Variants in CORO1C observed in about 807,000 individuals in gnomAD.
CORO1C encodes the protein coronin 1C, also known as coronin-1C.
Under a neutral mutation model 51.2 loss-of-function variants are expected in CORO1C, and 14 were observed. The observed-to-expected ratio is 0.27, with a 90% CI of 0.18 to 0.43. CORO1C has a LOEUF of 0.43. CORO1C is among the 20% of genes least tolerant of loss of function. The probability of loss-of-function intolerance (pLI) is 1.00; values close to 1 mark genes in which losing one functional copy is unlikely to be tolerated. For missense variants in CORO1C, 417 were observed against 607.8 expected (o/e 0.69, Z 3.30); for synonymous variants, 181 against 210.5 (o/e 0.86, Z 1.21).
Position 108,706,430 on chromosome 12 carries a change from G to A in CORO1C, c.-5-5107C>T, listed in dbSNP as rs190053875. ...GGATTGTAGTACAGGTTCTAGCCAA[G>A]GCAATTAGGCAAGAAAAAGGAGTAA... On this transcript the variant is annotated intron_variant, in intron 1 of 10. Transcript: ENST00000261401. 2.8e-3 allele frequency among the ~76,000 whole-genome samples: 419 copies of A among 152,126 alleles called. 1 individual carries two copies. The highest frequency in any genetic ancestry group is 4.4e-3 in the Non-Finnish European group (299 of 68,000).
At chr12:108,649,531 C>A (rs2032543862) in intron 8 of CORO1C, 1 of 161,566 alleles carries the variant, frequency 6.2e-6, no homozygotes, top group African/African-American at 2.4e-5. Context: ...CAAACCACAT[C>A]GTACATGACA....
chr12:108,645,230 T>TAAAAAAAAAA lies in CORO1C; in HGVS notation c.*2163_*2172dup, dbSNP rs35067523. The TAAAAAAAAAA allele has an allele frequency of 3.1e-5, 4 of 127,040 alleles. No homozygotes were observed. The allele number at this position is 127,040 out of a possible 1,614,324, so 7.9% of individuals were successfully genotyped here. On this transcript the variant is annotated 3_prime_UTR_variant, in exon 11 of 11. Coordinates refer to ENST00000261401, the MANE Select transcript of CORO1C (RefSeq NM_014325.4). ...TGTCCTCTTCTGGGATGTCATGGCT[T>TAAAAAAAAAA]AAAAAAAAAAAAAAAAAAAGACAAA... is the stretch of plus-strand genomic sequence containing the variant.
chr12:108,683,603 C>G (rs1449828133), intron 2 of CORO1C, among the ~76,000 whole-genome samples: 1 of 151,942 alleles, frequency 6.6e-6, no homozygotes, highest in Admixed American at 6.6e-5. Context: ...TAACATTTGA[C>G]AATATATATA....
At chr12:108,648,885 G>A (rs200401456) in intron 9 of CORO1C, 35 bp from the exon 10 acceptor site, 3 of 1,613,300 alleles carry the variant, frequency 1.9e-6, no homozygotes, top group Non-Finnish European at 2.5e-6. Context: ...GGGTAAGGAA[G>A]AAGAAAGGCC....
intron 2 of CORO1C, among the ~76,000 whole-genome samples, chr12:108,699,705 C>A (rs1252257870): frequency 6.6e-6 from 1 of 152,180 alleles, no homozygotes. Flanking sequence ...AGATGAAGAA[C>A]ACTTATAACA....
intron 3 of CORO1C, among the ~76,000 whole-genome samples, chr12:108,676,029 TGAA>T (rs916375772): frequency 6.6e-6 from 1 of 152,134 alleles, no homozygotes; most frequent in African/African-American, 2.4e-5. Flanking sequence ...AAGAAAATGA[TGAA>T]GGAGGAATCT....
intron 7 of CORO1C, 56 bp from the exon 8 acceptor site, chr12:108,652,473 A>G: frequency 6.8e-7 from 1 of 1,464,136 alleles, no homozygotes; most frequent in South Asian, 1.2e-5. Flanking sequence ...CATCTGGATT[A>G]TGGGGGTGTC....
intron 2 of CORO1C, among the ~76,000 whole-genome samples, chr12:108,681,546 G>T (rs1320094832): frequency 6.6e-6 from 1 of 152,100 alleles, no homozygotes. Context: ...ACAAAAAAAT[G>T]GAAAACATCT....
At chr12:108,659,193 T>A (rs1445236251) in intron 4 of CORO1C, among the ~76,000 whole-genome samples, 2 of 152,210 alleles carry the variant, frequency 1.3e-5, no homozygotes, top group African/African-American at 4.8e-5. Flanking sequence ...TGGGTTCATA[T>A]GAAACAATCA....
chr12:108,714,175 A>C, intron 1 of CORO1C, among the ~76,000 whole-genome samples: 1 of 151,628 alleles, frequency 6.6e-6, no homozygotes, highest in East Asian at 1.9e-4. Flanking sequence ...CGGATCACGA[A>C]GTCAAGGGAT....
chr12:108,652,435 C>T lies in CORO1C; in HGVS notation c.856-18G>A, dbSNP rs1473786345. The T allele has an allele frequency of 1.2e-6, 2 of 1,609,180 alleles. No individual in the cohort carries two copies. Among genetic ancestry groups the T allele is most frequent in the African/African-American group, 2.7e-5 (2 of 74,954 alleles). On this transcript the variant is annotated intron_variant, in intron 7 of 10. Transcript: ENST00000261401. The stretch of plus-strand genomic sequence containing the variant: ...CTGTCACCCTGTAAGAAACCAGAGA[C>T]AAGTCTGTGTCTGATTGTTAACTGA...
chr12:108,695,760 A>G (rs1300952632), intron 2 of CORO1C, among the ~76,000 whole-genome samples: 1 of 151,586 alleles, frequency 6.6e-6, no homozygotes, highest in Non-Finnish European at 1.5e-5. Context: ...AAGAAATTAA[A>G]GTCCTAATGC....
intron 2 of CORO1C, among the ~76,000 whole-genome samples, chr12:108,697,671 C>A (rs898832670): frequency 3.9e-5 from 6 of 152,112 alleles, no homozygotes; most frequent in African/African-American, 1.4e-4. Flanking sequence ...TAGTTGGAGT[C>A]CCCATCATAT....
At position 108,661,619 on chromosome 12, in the gene CORO1C, G is replaced by A. The variant is rs2033266546; in HGVS notation, c.448+410C>T. Among the ~76,000 whole-genome samples, 12 of 152,184 alleles carry A rather than the reference G, an allele frequency of 7.9e-5. No individual in the cohort carries two copies. In the South Asian group the frequency reaches 2.5e-3, roughly 32 times the overall value. ...GGGAAAATCAAAGTTTTCTTTAAAAGGAAGGAGTGTATTTGCCTAATAGGG... is the reference window on the plus strand; with the variant it reads ...GGGAAAATCAAAGTTTTCTTTAAAAAGAAGGAGTGTATTTGCCTAATAGGG... On this transcript the variant is annotated intron_variant, in intron 4 of 10. Coordinates refer to ENST00000261401, the MANE Select transcript of CORO1C (RefSeq NM_014325.4).
intron 3 of CORO1C, 123 bp downstream of exon 3, chr12:108,678,149 C>A: frequency 1.3e-6 from 1 of 761,720 alleles, no homozygotes; most frequent in South Asian, 3.7e-5. Context: ...AACAGACAGT[C>A]AAAACTGCTA....
chr12:108,674,279 T>G (rs1274304627), intron 3 of CORO1C, among the ~76,000 whole-genome samples: 1 of 152,216 alleles, frequency 6.6e-6, no homozygotes, highest in Non-Finnish European at 1.5e-5. Context: ...AAAAACCTTC[T>G]GGGCTGGGCA....
intron 1 of CORO1C, among the ~76,000 whole-genome samples, chr12:108,715,249 AAAAC>A (rs965411759): frequency 1.3e-5 from 2 of 152,094 alleles, no homozygotes; most frequent in African/African-American, 4.8e-5. Flanking sequence ...AAAACAAAAC[AAAAC>A]AAAACAAAAC....
chr12:108,688,263 T>G (rs1282295185), intron 2 of CORO1C, among the ~76,000 whole-genome samples: 1 of 152,042 alleles, frequency 6.6e-6, no homozygotes, highest in Non-Finnish European at 1.5e-5. Context: ...GAATCCACAT[T>G]TAAGAAGTAG....
chr12:108,662,681 A>T (rs569559474), intron 3 of CORO1C, among the ~76,000 whole-genome samples: 1 of 152,364 alleles, frequency 6.6e-6, no homozygotes, highest in South Asian at 2.1e-4. Flanking sequence ...GGGAATGAAG[A>T]CACTTAGCTA....
Sources: allele counts gnomAD v4.1 joint callset (sites outside exome capture counted in the v4.1 genomes callset), GRCh38; gene constraint gnomAD v4.1.1; transcripts MANE v1.5; gene names NCBI Gene and HGNC (gene_info 2026-07-23, HGNC 2026-07-21).